The following UNC13C variants were observed in gnomAD, a reference collection of about 807,000 sequenced individuals.
UNC13C encodes the protein unc-13 homolog C.
In UNC13C, 174 loss-of-function variants were observed where a neutral mutation model predicts 245.4. That is an observed-to-expected ratio of 0.71 (90% CI 0.63 to 0.80). The LOEUF is 0.80. UNC13C is among the 30% of genes least tolerant of loss of function. The pLI, the probability that UNC13C is intolerant of heterozygous loss-of-function variation, is 0.00. For missense variants in UNC13C, 2,829 were observed against 2,602.9 expected (o/e 1.09, Z -1.89); for synonymous variants, 992 against 895.1 (o/e 1.11, Z -1.93).
intron 10 of UNC13C, among the ~76,000 whole-genome samples, chr15:54,287,144 T>C: frequency 6.6e-6 from 1 of 152,156 alleles, no homozygotes; most frequent in East Asian, 1.9e-4. Context: ...TCAGAAATGG[T>C]TTAGTGAGAC....
At chr15:54,629,591 C>T (rs1362032248), downstream of UNC13C, 2 of 104,548 alleles carry the variant, frequency 1.9e-5, no homozygotes, top group Non-Finnish European at 4.4e-5. Context: ...CAAAATTCAA[C>T]ATGCAACATG....
intron 30 of UNC13C, among the ~76,000 whole-genome samples, chr15:54,586,752 A>C (rs1309702797): frequency 1.3e-5 from 2 of 152,256 alleles, no homozygotes; most frequent in Admixed American, 6.5e-5. Context: ...AGTTGCAAGT[A>C]ATAATCAAGG....
At chr15:54,196,327 G>A (rs1172700816) in intron 4 of UNC13C, among the ~76,000 whole-genome samples, 1 of 151,376 alleles carries the variant, frequency 6.6e-6, no homozygotes, top group Non-Finnish European at 1.5e-5. Context: ...AGCTTTAGCA[G>A]CATGCAGGCT....
At chr15:54,631,358 TA>T (rs1324440932), downstream of UNC13C, 1 of 152,202 alleles carries the variant, frequency 6.6e-6, no homozygotes, top group Non-Finnish European at 1.5e-5. Context: ...AAAATATGCA[TA>T]TTTTTTAATT....
chr15:54,514,917 G>A (rs973416819), intron 24 of UNC13C, among the ~76,000 whole-genome samples: 1 of 152,058 alleles, frequency 6.6e-6, no homozygotes, highest in Non-Finnish European at 1.5e-5. Context: ...TATGGGCCAT[G>A]TCAGCACATT....
the UNC13C span, among the ~76,000 whole-genome samples, chr15:53,890,644 A>G: frequency 1.3e-5 from 2 of 152,038 alleles, no homozygotes; most frequent in Admixed American, 6.5e-5. Flanking sequence ...TTTCTAGTTT[A>G]TTTGCGTAGA....
chr15:54,490,868 T>C (rs1464597985), intron 19 of UNC13C, among the ~76,000 whole-genome samples: 3 of 152,168 alleles, frequency 2.0e-5, no homozygotes, highest in Non-Finnish European at 4.4e-5. Context: ...TGACATAAAT[T>C]CCTCTCTCCC....
At chr15:54,196,996 A>G (rs936784467) in intron 4 of UNC13C, among the ~76,000 whole-genome samples, 1 of 152,180 alleles carries the variant, frequency 6.6e-6, no homozygotes, top group African/African-American at 2.4e-5. Context: ...AACATGGCAC[A>G]TGTATACATA....
intron 1 of UNC13C, among the ~76,000 whole-genome samples, chr15:54,006,884 G>A (rs1282547383): frequency 6.6e-6 from 1 of 152,022 alleles, no homozygotes; most frequent in African/African-American, 2.4e-5. Flanking sequence ...TTACTTGGTC[G>A]GTGTGCTGCT....
intron 19 of UNC13C, among the ~76,000 whole-genome samples, chr15:54,486,040 A>T (rs1056119064): frequency 6.6e-6 from 1 of 152,088 alleles, no homozygotes; most frequent in Non-Finnish European, 1.5e-5. Context: ...ATTGTCTGCC[A>T]CTTGTCACTA....
chr15:54,352,808 C>T (rs951934652), intron 17 of UNC13C, among the ~76,000 whole-genome samples: 1 of 151,944 alleles, frequency 6.6e-6, no homozygotes, highest in Non-Finnish European at 1.5e-5. Context: ...TTCCATGATG[C>T]GTTTTATTTT....
Position 54,300,227 on chromosome 15 carries a change from G to T in UNC13C, c.4122G>T (p.Leu1374Phe). The change falls in exon 13 of 33, where the codon TTG becomes TTT. Residue 1374 changes from leucine to phenylalanine, a missense_variant. Coordinates refer to ENST00000260323, the MANE Select transcript of UNC13C (RefSeq NM_001080534.3). ...TCLHENLFHY[L>F]TEVKSNGGVK... ...GCTTTTAGAATCTGTTCCATTACTTGACTGAAGTGAAATCTAATGGTGGAG... is the reference window on the plus strand; with the variant it reads ...GCTTTTAGAATCTGTTCCATTACTTTACTGAAGTGAAATCTAATGGTGGAG... The T allele has an allele frequency of 1.9e-6, 3 of 1,600,162 alleles. No individual in the cohort carries two copies. In the South Asian group the frequency reaches 3.4e-5, roughly 18 times the overall value.
intron 2 of UNC13C, among the ~76,000 whole-genome samples, chr15:54,107,306 CA>C (rs762519786): frequency 2.6e-5 from 4 of 151,840 alleles, no homozygotes; most frequent in African/African-American, 7.2e-5. Flanking sequence ...ACATCTATAA[CA>C]AAAAAATGTA....
chr15:53,942,547 G>A, the UNC13C span, among the ~76,000 whole-genome samples: 1 of 150,434 alleles, frequency 6.6e-6, no homozygotes, highest in Non-Finnish European at 1.5e-5. Flanking sequence ...CATGTACCCT[G>A]GAATTTCAAA....
At chr15:54,622,803 G>A (rs929452433) in intron 31 of UNC13C, among the ~76,000 whole-genome samples, 13 of 152,062 alleles carry the variant, frequency 8.5e-5, no homozygotes, top group African/African-American at 2.9e-4. Context: ...TCTTTACAAT[G>A]AGTGGCTCAA....
chr15:54,235,650 A>G (rs906493051), intron 5 of UNC13C, among the ~76,000 whole-genome samples: 3 of 152,174 alleles, frequency 2.0e-5, no homozygotes, highest in African/African-American at 7.2e-5. Context: ...CAGGAGATCA[A>G]GACCATCCTG....
intron 10 of UNC13C, among the ~76,000 whole-genome samples, chr15:54,274,952 G>C (rs563540130): frequency 2.8e-4 from 42 of 152,154 alleles, no homozygotes; most frequent in African/African-American, 1.0e-3. Flanking sequence ...TTATAGGTGT[G>C]AGCCACCACG....
chr15:54,509,967 G>A (rs1894663182), intron 23 of UNC13C, among the ~76,000 whole-genome samples: 1 of 152,068 alleles, frequency 6.6e-6, no homozygotes, highest in South Asian at 2.1e-4. Flanking sequence ...CATGTCAAGT[G>A]AGCCAAACTG....
At chr15:54,541,193 C>G (rs1331339652) in intron 26 of UNC13C, among the ~76,000 whole-genome samples, 2 of 152,060 alleles carry the variant, frequency 1.3e-5, no homozygotes, top group Admixed American at 6.6e-5. Context: ...AGGATAAATA[C>G]TTTAACATAA....
Sources: allele counts gnomAD v4.1 joint callset (sites outside exome capture counted in the v4.1 genomes callset), GRCh38; gene constraint gnomAD v4.1.1; transcripts MANE v1.5; gene names NCBI Gene and HGNC (gene_info 2026-07-23, HGNC 2026-07-21).